The following TNFAIP8L3 variants were observed in gnomAD, a reference collection of about 807,000 sequenced individuals.
The protein encoded by TNFAIP8L3 is TNF alpha induced protein 8 like 3.
In TNFAIP8L3, 7 loss-of-function variants were observed where a neutral mutation model predicts 11.8. The observed-to-expected ratio is 0.59, with a 90% CI of 0.34 to 1.11. TNFAIP8L3 has a LOEUF of 1.11. Ranked by LOEUF, TNFAIP8L3 falls within the 50% of genes most tolerant of loss-of-function variation. TNFAIP8L3 has a pLI of 0.03. For synonymous variants in TNFAIP8L3, 98 were observed against 103.8 expected, an observed-to-expected ratio of 0.94 and a Z score of 0.34; for missense variants, 219 against 258.6, an observed-to-expected ratio of 0.85 and a Z score of 1.05.
In TNFAIP8L3 at chr15:51,072,989, C is replaced by CTTTT. The variant is rs2065321403; in HGVS notation, c.53-14547_53-14546insAAAA. Among the ~76,000 whole-genome samples the CTTTT allele has an allele frequency of 1.5e-4, 7 of 45,750 alleles. 1 individual carries two copies. Among genetic ancestry groups the CTTTT allele is most frequent in the Non-Finnish European group, 2.3e-4 (6 of 26,010 alleles). The allele number at this position is 45,750 out of a possible 152,430, so 30.0% of individuals were successfully genotyped here. A position where few individuals can be genotyped will look rare whatever the true frequency, so the allele number is the denominator to read the frequency against. On this transcript the variant is annotated intron_variant, in intron 1 of 1. Coordinates refer to ENST00000637513, the MANE Select transcript of TNFAIP8L3 (RefSeq NM_001311175.2). ...ATGTTGATCTGAAGTAAACTGGGAT[C>CTTTT]CTTTTTTTTTTTTTTTTTTTTTTTG...
intron 1 of TNFAIP8L3, among the ~76,000 whole-genome samples, chr15:51,073,604 G>A (rs2065328411): frequency 6.6e-6 from 1 of 152,086 alleles, no homozygotes; most frequent in African/African-American, 2.4e-5. Context: ...AGCATCTCTT[G>A]GACTTTTTAA....
upstream of TNFAIP8L3, among the ~76,000 whole-genome samples, chr15:51,099,626 T>C (rs779606833): frequency 1.2e-4 from 18 of 152,176 alleles, no homozygotes; most frequent in Non-Finnish European, 2.4e-4. Context: ...GGCATTCATT[T>C]TGGCTATGGG....
intron 1 of TNFAIP8L3, among the ~76,000 whole-genome samples, chr15:51,065,670 G>A (rs925533747): frequency 6.6e-6 from 1 of 152,184 alleles, no homozygotes; most frequent in African/African-American, 2.4e-5. Flanking sequence ...CAGGGTGAGG[G>A]GACAGCTATT....
At chr15:51,085,549 AC>A (rs2065421571) in intron 1 of TNFAIP8L3, among the ~76,000 whole-genome samples, 1 of 152,136 alleles carries the variant, frequency 6.6e-6, no homozygotes, top group Non-Finnish European at 1.5e-5. Flanking sequence ...TGGCAAGAAC[AC>A]AGTAGAAGGT....
chr15:51,097,995 C>T (rs1317342224), upstream of TNFAIP8L3, among the ~76,000 whole-genome samples: 3 of 152,206 alleles, frequency 2.0e-5, no homozygotes, highest in Non-Finnish European at 4.4e-5. Context: ...AGTGTTTCCA[C>T]TACATCTTTT....
At chr15:51,097,406 T>C (rs2065520922), upstream of TNFAIP8L3, among the ~76,000 whole-genome samples, 1 of 152,118 alleles carries the variant, frequency 6.6e-6, no homozygotes, top group South Asian at 2.1e-4. Context: ...GCTTTGGGCA[T>C]GGGGGGGAGA....
chr15:51,094,249 A>G lies in TNFAIP8L3; in HGVS notation c.52+295T>C, dbSNP rs2065493539. On this transcript the variant is annotated intron_variant, in intron 1 of 1. Transcript: ENST00000637513. The surrounding 1 kb of genome is among the most constrained non-coding windows in gnomAD (Gnocchi z 4.4). The stretch of plus-strand genomic sequence containing the variant: ...TGCAACCCTCTCTGCAGCAAACTAC[A>G]GTACGCGGATTCCCGAACCCTTCCC... 6.6e-6 allele frequency among the ~76,000 whole-genome samples: 1 copy of G among 152,184 alleles called. No individual in the cohort carries two copies. Among genetic ancestry groups the G allele is most frequent in the African/African-American group, 2.4e-5 (1 of 41,450 alleles).
At chr15:51,071,507 G>C (rs1461093827) in intron 1 of TNFAIP8L3, among the ~76,000 whole-genome samples, 1 of 152,174 alleles carries the variant, frequency 6.6e-6, no homozygotes, top group African/African-American at 2.4e-5. Context: ...CACACAGAAG[G>C]TGTCATACTA....
At chr15:51,085,419 GA>G (rs1567294029) in intron 1 of TNFAIP8L3, among the ~76,000 whole-genome samples, 1 of 152,186 alleles carries the variant, frequency 6.6e-6, no homozygotes, top group African/African-American at 2.4e-5. Flanking sequence ...AAGTGGGCCT[GA>G]CCCAAGGGAA....
chr15:51,071,819 T>G (rs2065310903), intron 1 of TNFAIP8L3, among the ~76,000 whole-genome samples: 1 of 152,246 alleles, frequency 6.6e-6, no homozygotes, highest in African/African-American at 2.4e-5. Context: ...TGGTTGCACT[T>G]CCTCATCAAC....
chr15:51,058,979 T>C (rs2065224778), intron 1 of TNFAIP8L3, among the ~76,000 whole-genome samples: 1 of 152,268 alleles, frequency 6.6e-6, no homozygotes, highest in Admixed American at 6.5e-5. Context: ...TTTTGAAATA[T>C]TGAAAATTGG....
chr15:51,072,079 A>G (rs2065312481), intron 1 of TNFAIP8L3, among the ~76,000 whole-genome samples: 1 of 152,154 alleles, frequency 6.6e-6, no homozygotes, highest in Admixed American at 6.5e-5. Context: ...AGGGCTGGCA[A>G]CTATCTCTTC....
At chr15:51,072,316 T>C (rs2065314845) in intron 1 of TNFAIP8L3, among the ~76,000 whole-genome samples, 1 of 152,162 alleles carries the variant, frequency 6.6e-6, no homozygotes, top group Admixed American at 6.5e-5. Context: ...AATTTTGTAT[T>C]TTTAGTACAG....
intron 1 of TNFAIP8L3, among the ~76,000 whole-genome samples, chr15:51,093,173 C>A (rs1441745319): frequency 5.3e-5 from 8 of 152,186 alleles, no homozygotes; most frequent in African/African-American, 1.9e-4. Flanking sequence ...TTATATCATA[C>A]CTAGGCAAAG....
rs772439757 is a variant in TNFAIP8L3, at chr15:51,094,539, G to C, written c.52+5C>G. The stretch of plus-strand genomic sequence containing the variant: ...CCCGCCTGGGCCGTCGCGGCCCCTA[G>C]GTACCTGCGGCGGTCACGGGCTCGC... On this transcript the variant is annotated splice_donor_5th_base_variant and intron_variant, in intron 1 of 1. Transcript: ENST00000637513. The surrounding 1 kb of genome is among the most constrained non-coding windows in gnomAD (Gnocchi z 4.4). 6.7e-7 allele frequency: 1 copy of C among 1,497,850 alleles called. No homozygotes were observed. Among genetic ancestry groups the C allele is most frequent in the Admixed American group, 2.1e-5 (1 of 48,056 alleles). The allele number at this position is 1,497,850 out of a possible 1,614,324, so 92.8% of individuals were successfully genotyped here. A position where few individuals can be genotyped will look rare whatever the true frequency, so the allele number is the denominator to read the frequency against.
intron 1 of TNFAIP8L3, among the ~76,000 whole-genome samples, chr15:51,087,873 A>C (rs1201349159): frequency 6.9e-6 from 1 of 145,822 alleles, no homozygotes; most frequent in Non-Finnish European, 1.5e-5. Context: ...TTGCCTAAAA[A>C]GAACATTTCT....
intron 1 of TNFAIP8L3, among the ~76,000 whole-genome samples, chr15:51,104,486 T>C (rs1294876751): frequency 6.6e-6 from 1 of 152,238 alleles, no homozygotes; most frequent in Non-Finnish European, 1.5e-5. Flanking sequence ...CCCAGCCATG[T>C]CCTGCATCTG....
At chr15:51,097,828 A>C (rs1002683602), upstream of TNFAIP8L3, among the ~76,000 whole-genome samples, 1 of 149,696 alleles carries the variant, frequency 6.7e-6, no homozygotes, top group African/African-American at 2.4e-5. Flanking sequence ...ATCTCCTTTT[A>C]CAAACCAGTT....
At chr15:51,061,058 C>G (rs780578213) in intron 1 of TNFAIP8L3, among the ~76,000 whole-genome samples, 1 of 152,206 alleles carries the variant, frequency 6.6e-6, no homozygotes, top group Non-Finnish European at 1.5e-5. Context: ...ATTGCTTGAA[C>G]TGGGGAGGCA....
Sources: gnomAD v4.1 joint callset for allele counts (sites outside exome capture counted in the v4.1 genomes callset) on GRCh38, gnomAD v4.1.1 for gene constraint, Gnocchi (gnomAD v3.1) non-coding constraint, MANE v1.5 for transcripts, NCBI Gene and HGNC (gene_info 2026-07-23, HGNC 2026-07-21) for gene names.